MACROD2: variants seen among roughly 807,000 people sequenced by gnomAD.
MACROD2 encodes mono-ADP ribosylhydrolase 2, also known as ADP-ribose glycohydrolase MACROD2.
MACROD2 carries 36 observed loss-of-function variants against 70.4 expected under a neutral mutation model. That is an observed-to-expected ratio of 0.51 (90% CI 0.39 to 0.68). The LOEUF (loss-of-function observed/expected upper bound fraction) is 0.68, where lower values mean the gene tolerates loss of function less well. Ranked by LOEUF, MACROD2 falls within the 30% of genes least tolerant of loss-of-function variation. The pLI, the probability that MACROD2 is intolerant of heterozygous loss-of-function variation, is 0.00. For missense variants in MACROD2, 496 were observed against 538.4 expected (o/e 0.92, Z 0.78); for synonymous variants, 172 against 178.8 (o/e 0.96, Z 0.30).
At chr20:14,089,846 T>A (rs1033744881) in intron 3 of MACROD2, among the ~76,000 whole-genome samples, 3 of 152,224 alleles carry the variant, frequency 2.0e-5, no homozygotes, top group African/African-American at 7.2e-5. Context: ...ATGGTGGCTT[T>A]GTATATAGCT....
rs200906070 is a variant in MACROD2, at chr20:15,375,343, A to AT, written c.541-56062_541-56061insT. Among the ~76,000 whole-genome samples, 664 of 152,328 alleles carry AT rather than the reference A, an allele frequency of 4.4e-3. 8 individuals are homozygous for AT. Among genetic ancestry groups the AT allele is most frequent in the Admixed American group, 0.034 (516 of 15,298 alleles). ...AATCCACTATTGATTTGGAACAACA[A>AT]GGTGAAGAAAATTAAGCCTCCCCAA... is the stretch of plus-strand genomic sequence containing the variant. On this transcript the variant is annotated intron_variant, in intron 6 of 17. Transcript: ENST00000684519.
intron 5 of MACROD2, among the ~76,000 whole-genome samples, chr20:15,134,806 T>C (rs1189116154): frequency 2.6e-5 from 4 of 151,880 alleles, no homozygotes; most frequent in Non-Finnish European, 5.9e-5. Flanking sequence ...ATCAACAAAA[T>C]TGATAGACCG....
chr20:14,126,706 T>A (rs895860309), intron 3 of MACROD2, among the ~76,000 whole-genome samples: 5 of 152,226 alleles, frequency 3.3e-5, no homozygotes, highest in African/African-American at 1.2e-4. Flanking sequence ...TAGTTGTGTA[T>A]ATTTCTTTTT....
chr20:15,436,964 G>A (rs2146367426), intron 7 of MACROD2, among the ~76,000 whole-genome samples: 1 of 152,214 alleles, frequency 6.6e-6, no homozygotes, highest in African/African-American at 2.4e-5. Context: ...CATCTGCCCA[G>A]GAGCCTTTGC....
chr20:15,467,366 A>T (rs562310046), intron 7 of MACROD2, among the ~76,000 whole-genome samples: 1 of 152,340 alleles, frequency 6.6e-6, no homozygotes, highest in East Asian at 1.9e-4. Context: ...TCCTCCAAAT[A>T]AATTACTTGT....
intron 3 of MACROD2, chr20:14,127,956 G>C: frequency 1.9e-6 from 1 of 513,128 alleles, no homozygotes; most frequent in East Asian, 5.1e-5. Flanking sequence ...AGACGTAGTT[G>C]TTGGGGAAAT....
At chr20:15,432,727 C>T (rs2046378506) in intron 7 of MACROD2, among the ~76,000 whole-genome samples, 1 of 151,888 alleles carries the variant, frequency 6.6e-6, no homozygotes, top group African/African-American at 2.4e-5. Flanking sequence ...AAAAAACAAA[C>T]AAAAACCTAA....
intron 12 of MACROD2, among the ~76,000 whole-genome samples, chr20:15,947,649 T>C (rs1208912926): frequency 6.6e-6 from 1 of 152,034 alleles, no homozygotes; most frequent in African/African-American, 2.4e-5. Context: ...GATCGCTCTT[T>C]CTTTTCCCTA....
chr20:14,083,787 C>T (rs947744393), intron 2 of MACROD2, among the ~76,000 whole-genome samples: 1 of 151,544 alleles, frequency 6.6e-6, no homozygotes, highest in Admixed American at 6.6e-5. Context: ...TGATAGAATA[C>T]TTCTGGGAGA....
At chr20:14,276,065 G>A (rs1161997876) in intron 3 of MACROD2, among the ~76,000 whole-genome samples, 3 of 151,806 alleles carry the variant, frequency 2.0e-5, no homozygotes, top group Admixed American at 2.0e-4. Flanking sequence ...GGAAGTCAGT[G>A]TGGCGATTCC....
At chr20:14,172,725 A>G (rs888637276) in intron 3 of MACROD2, among the ~76,000 whole-genome samples, 2 of 151,904 alleles carry the variant, frequency 1.3e-5, no homozygotes, top group African/African-American at 4.8e-5. Context: ...GGTTTTTTTC[A>G]TTGTGTTTTC....
intron 5 of MACROD2, among the ~76,000 whole-genome samples, chr20:15,048,278 C>T (rs2075411282): frequency 6.6e-6 from 1 of 151,978 alleles, no homozygotes; most frequent in South Asian, 2.1e-4. Context: ...AAGACTCCAT[C>T]TCAAAAACAA....
At chr20:14,005,357 T>C (rs937976653) in intron 2 of MACROD2, among the ~76,000 whole-genome samples, 1 of 152,236 alleles carries the variant, frequency 6.6e-6, no homozygotes, top group Non-Finnish European at 1.5e-5. Context: ...TTCATATTTA[T>C]TAACTGTTGT....
At chr20:14,303,248 A>G (rs1478142110) in intron 3 of MACROD2, among the ~76,000 whole-genome samples, 1 of 152,192 alleles carries the variant, frequency 6.6e-6, no homozygotes, top group African/African-American at 2.4e-5. Context: ...TCTTATAGGA[A>G]ATGCACAAGG....
chr20:14,093,089 T>G lies in MACROD2; in HGVS notation c.271+7361T>G, dbSNP rs2054173492. Among the ~76,000 whole-genome samples the G allele has an allele frequency of 2.0e-5, 3 of 152,282 alleles. No homozygotes were observed. In the South Asian group the frequency reaches 6.2e-4, roughly 32 times the overall value. On this transcript the variant is annotated intron_variant, in intron 3 of 17. Transcript: ENST00000684519. ...CTTTTAGTTTGACTCTATTTTACCTTATTTTTTAAAGACAGGAATCTCACT... is the reference window on the plus strand; with the variant it reads ...CTTTTAGTTTGACTCTATTTTACCTGATTTTTTAAAGACAGGAATCTCACT...
intron 15 of MACROD2, among the ~76,000 whole-genome samples, chr20:16,022,690 C>T (rs1421546977): frequency 6.6e-6 from 1 of 152,188 alleles, no homozygotes; most frequent in East Asian, 1.9e-4. Flanking sequence ...ACCAGTGGGG[C>T]TGGCAGTTGT....
chr20:15,464,271 C>T (rs1240108932), intron 7 of MACROD2, among the ~76,000 whole-genome samples: 1 of 152,130 alleles, frequency 6.6e-6, no homozygotes, highest in Non-Finnish European at 1.5e-5. Flanking sequence ...CTGCTTCAGC[C>T]TCCCAACGTG....
At position 15,844,038 on chromosome 20, in the gene MACROD2, A is replaced by G. The variant is rs559543478; in HGVS notation, c.646-18707A>G. ...CTCACTGTAGTATTCTCTCTTGCCA[A>G]ACATCTAGCATGCCTGCACATATAT... On this transcript the variant is annotated intron_variant, in intron 8 of 17. Transcript: ENST00000684519. 3.0e-4 allele frequency among the ~76,000 whole-genome samples: 45 copies of G among 151,916 alleles called. 1 individual carries two copies. The South Asian group carries it at 8.5e-3, about 29-fold the overall frequency.
intron 8 of MACROD2, among the ~76,000 whole-genome samples, chr20:15,626,582 C>A (rs144400932): frequency 1.3e-5 from 2 of 152,268 alleles, no homozygotes; most frequent in East Asian, 3.9e-4. Context: ...GGGGTGGGCA[C>A]GCTGGCTCAT....
Sources: allele counts gnomAD v4.1 joint callset (sites outside exome capture counted in the v4.1 genomes callset), GRCh38; gene constraint gnomAD v4.1.1; transcripts MANE v1.5; gene names NCBI Gene and HGNC (gene_info 2026-07-23, HGNC 2026-07-21).